Variants in HK3 observed in about 807,000 individuals in gnomAD.
HK3 encodes hexokinase 3, also known as hexokinase-3.
Under a neutral mutation model 91.0 loss-of-function variants are expected in HK3, and 93 were observed. The ratio of observed to expected loss-of-function variants is 1.02; its 90% CI spans 0.86 to 1.21. The LOEUF (loss-of-function observed/expected upper bound fraction) is 1.21. Among genes scored for constraint, HK3 ranks in the 50% most tolerant of loss-of-function variants. HK3 has a pLI of 0.00. For missense variants in HK3, 1,235 were observed against 1,247.4 expected (o/e 0.99, Z 0.15); for synonymous variants, 519 against 516.9 (o/e 1.00, Z -0.06).
chr5:176,894,258 A>AC (rs1435131993), intron 2 of HK3, among the ~76,000 whole-genome samples: 2 of 152,184 alleles, frequency 1.3e-5, no homozygotes, highest in Non-Finnish European at 2.9e-5. Flanking sequence ...AACTGGCCAC[A>AC]CGTGGTTAAC....
rs537569007 is a variant in HK3 at position 176,893,843 on chromosome 5, C to T, written c.96+2221G>A. Among the ~76,000 whole-genome samples, 9 of 152,304 alleles carry T rather than the reference C, an allele frequency of 5.9e-5. No individual in the cohort carries two copies. The South Asian group carries it at 1.7e-3, about 28-fold the overall frequency. On this transcript the variant is annotated intron_variant, in intron 2 of 18. Transcript: ENST00000292432. ...ACAAGCCAGGAGAAGCTATCGGAGC[C>T]ACCCCTGACACCCCAGGAAGAGCAG...
intron 13 of HK3, among the ~76,000 whole-genome samples, chr5:176,885,712 G>A (rs930543397): frequency 2.0e-5 from 3 of 151,852 alleles, no homozygotes; most frequent in African/African-American, 7.3e-5. Context: ...GAGCCACCGC[G>A]CCCAGCCTTC....
chr5:176,890,054 C>A (rs978970360), intron 6 of HK3, among the ~76,000 whole-genome samples: 18 of 152,150 alleles, frequency 1.2e-4, no homozygotes, highest in Middle Eastern at 3.2e-3. Context: ...TTGAACTCTG[C>A]GCCTTGCCAG....
chr5:176,898,716 A>G (rs1413815194), intron 1 of HK3, among the ~76,000 whole-genome samples: 1 of 152,182 alleles, frequency 6.6e-6, no homozygotes, highest in East Asian at 1.9e-4. Flanking sequence ...GTATCCCCAG[A>G]GCCCAGGGTC....
At position 176,891,030 on chromosome 5, in the gene HK3, T is replaced by C. The variant is rs1391685823; in HGVS notation, c.414+7A>G. On this transcript the variant is annotated splice_region_variant and intron_variant, in intron 4 of 18. Coordinates refer to ENST00000292432, the MANE Select transcript of HK3 (RefSeq NM_002115.3). ...CAGACCCCAGAGGCTGGGCAGTGAG[T>C]GCTTACCTGCTGGCCAGCACCCAGC... 2 of 1,613,812 alleles carry C rather than the reference T, an allele frequency of 1.2e-6. No homozygotes were observed. The highest frequency in any genetic ancestry group is 1.7e-6 in the Non-Finnish European group (2 of 1,179,964).
intron 6 of HK3, 61 bp downstream of exon 6, chr5:176,890,574 G>T (rs370574727): frequency 7.1e-7 from 1 of 1,405,788 alleles, no homozygotes; most frequent in Non-Finnish European, 1.0e-6. Context: ...CAGACCCAAC[G>T]CATGTGTGCC....
chr5:176,885,029 C>T (rs1758546158), intron 13 of HK3, among the ~76,000 whole-genome samples: 1 of 152,114 alleles, frequency 6.6e-6, no homozygotes, highest in Non-Finnish European at 1.5e-5. Context: ...TTGAGAGAGA[C>T]CAGATGATGA....
At chr5:176,891,588 A>G (rs1420689356) in intron 2 of HK3, 38 bp from the exon 3 acceptor site, 8 of 1,586,182 alleles carry the variant, frequency 5.0e-6, no homozygotes, top group Non-Finnish European at 6.9e-6. Flanking sequence ...AAGGAGCACC[A>G]TTGGGCTGGC....
In HK3 at chr5:176,881,732, T is replaced by C; in HGVS notation, c.2353A>G (p.Arg785Gly). 1 of 1,614,162 alleles carries C rather than the reference T, an allele frequency of 6.2e-7. No homozygotes were observed. Among genetic ancestry groups the C allele is most frequent in the Non-Finnish European group, 8.5e-7 (1 of 1,180,044 alleles). The change falls in exon 17 of 19, where the codon AGG becomes GGG. Residue 785 changes from arginine to glycine, a missense_variant. Physicochemically the swap from Arg to Gly is moderately radical, Grantham distance 125. This residue lies in a region of HK3 where 513 missense variants were observed against 477.4 expected (regional missense o/e 1.07). Transcript: ENST00000292432. Reference sequence around the variant, plus strand: ...AGGAACTTGGTCTTGAAGATGTCCCTGGTCTGAAGGCGCTGGATCTGCTGG... The same window carrying C: ...AGGAACTTGGTCTTGAAGATGTCCCCGGTCTGAAGGCGCTGGATCTGCTGG... ...RGQQIQRLQT[R>G]DIFKTKFLSE...
At chr5:176,882,457 G>A (rs1051903051) in intron 15 of HK3, among the ~76,000 whole-genome samples, 1 of 152,208 alleles carries the variant, frequency 6.6e-6, no homozygotes, top group African/African-American at 2.4e-5. Context: ...CTAGCTCTCT[G>A]CGGTTGAGAG....
At chr5:176,881,587 A>G in intron 17 of HK3, 52 bp from the exon 18 acceptor site, 2 of 1,583,134 alleles carry the variant, frequency 1.3e-6, no homozygotes, top group Non-Finnish European at 1.7e-6. Context: ...GACTTCTCCC[A>G]CTTCATCCTC....
At chr5:176,897,493 C>T (rs1758935381) in intron 1 of HK3, among the ~76,000 whole-genome samples, 1 of 152,140 alleles carries the variant, frequency 6.6e-6, no homozygotes, top group Non-Finnish European at 1.5e-5. Context: ...CTACACTCCC[C>T]TCCTTGCCTA....
chr5:176,896,088 G>C lies in HK3; in HGVS notation c.72C>G (p.Pro24=), dbSNP rs368615106. 2 of 1,613,466 alleles carry C rather than the reference G, an allele frequency of 1.2e-6. No individual in the cohort carries two copies. The highest frequency in any genetic ancestry group is 1.7e-5 in the Admixed American group (1 of 59,886). The change falls in exon 2 of 19, where the codon CCC becomes CCG. Residue 24 remains proline, a synonymous_variant. Transcript: ENST00000292432. ...ETLSCSEEGL[P]GPSDSSELVQ... Reference sequence around the variant, plus strand: ...CCAGCTCTGAGCTGTCTGAGGGCCCGGGCAAGCCCTCCTCAGAGCAACTCA... The same window carrying C: ...CCAGCTCTGAGCTGTCTGAGGGCCCCGGCAAGCCCTCCTCAGAGCAACTCA...
intron 2 of HK3, 120 bp from the exon 3 acceptor site, chr5:176,891,670 GA>G (rs1247005820): frequency 1.0e-6 from 1 of 1,002,022 alleles, no homozygotes; most frequent in Non-Finnish European, 1.4e-6. Flanking sequence ...CATACACCCT[GA>G]CTCTCTTGCC....
In HK3 at chr5:176,887,783, G is replaced by A. The variant is rs910771508; in HGVS notation, c.1305-37C>T. 2.6e-6 allele frequency: 4 copies of A among 1,568,154 alleles called. No homozygotes were observed. The highest frequency in any genetic ancestry group is 3.5e-6 in the Non-Finnish European group (4 of 1,152,908). On this transcript the variant is annotated intron_variant, in intron 10 of 18. Transcript: ENST00000292432. This position sits in a 1 kb window ranked among gnomAD's most constrained non-coding sequence, Gnocchi z 4.9. ...TACAGGTGCACCCGGCTTGGCCCTG[G>A]ACCCCCAGACACACACAGGTGTGCA...
In HK3 at chr5:176,891,039, G is replaced by T; in HGVS notation, c.412C>A (p.Gln138Lys). The change falls in exon 4 of 19, where the codon CAG becomes AAG. Residue 138 changes from glutamine to lysine, a missense_variant and splice_region_variant. Transcript: ENST00000292432. ...GAGGCTGGGCAGTGAGTGCTTACCT[G>T]CTGGCCAGCACCCAGCATCACCTCT... ...PQEVMLGAGQ[Q>K]LFDFAAHCLS... The T allele has an allele frequency of 6.2e-7, 1 of 1,613,960 alleles. No individual in the cohort carries two copies.
intron 1 of HK3, among the ~76,000 whole-genome samples, chr5:176,898,461 C>A (rs919694002): frequency 3.3e-5 from 5 of 152,150 alleles, no homozygotes; most frequent in Admixed American, 3.3e-4. Context: ...GTAACTGGGG[C>A]AATTACCTTC....
intron 2 of HK3, among the ~76,000 whole-genome samples, chr5:176,892,954 C>T (rs1380915677): frequency 4.6e-5 from 7 of 152,222 alleles, no homozygotes; most frequent in Non-Finnish European, 7.3e-5. Context: ...TAGGGGTGCC[C>T]ATGCCCACTC....
chr5:176,891,129 C>T lies in HK3; in HGVS notation c.322G>A (p.Val108Met), dbSNP rs1418386309. 16 of 1,614,020 alleles carry T rather than the reference C, an allele frequency of 9.9e-6. No individual in the cohort carries two copies. The highest frequency in any genetic ancestry group is 1.7e-5 in the Admixed American group (1 of 60,008). The change falls in exon 4 of 19, where the codon GTG (valine) becomes ATG (methionine). Residue 108 changes from valine to methionine, a missense_variant. Val to Met is a conservative substitution (Grantham distance 21, BLOSUM62 1). Coordinates refer to ENST00000292432, the MANE Select transcript of HK3 (RefSeq NM_002115.3). ...TGCCCCTCAATGCCAGTTAGAGTCA[C>T]CCACAAAACACGCAGTGAGGCCCCT... ...ATGASLRVLWVTLTGIEGHRV... is the reference protein window; with the variant it reads ...ATGASLRVLWMTLTGIEGHRV...
Sources: gnomAD v4.1 joint callset for allele counts (sites outside exome capture counted in the v4.1 genomes callset) on GRCh38, gnomAD v4.1.1 for gene constraint, gnomAD v4.1.1 regional missense constraint, Gnocchi (gnomAD v3.1) non-coding constraint, MANE v1.5 for transcripts, NCBI Gene and HGNC (gene_info 2026-07-23, HGNC 2026-07-21) for gene names.